ZNF729: variants seen among roughly 807,000 people sequenced by gnomAD.
ZNF729 encodes zinc finger protein 729.
In ZNF729, 15 loss-of-function variants were observed where a neutral mutation model predicts 12.2. The ratio of observed to expected loss-of-function variants is 1.23; its 90% CI spans 0.82 to 1.89. The LOEUF (loss-of-function observed/expected upper bound fraction) is 1.89. ZNF729 is among the 40% of genes most tolerant of loss of function. ZNF729 has a pLI of 0.00. For missense variants in ZNF729, 1,540 were observed against 1,456.7 expected (o/e 1.06, Z -0.93); for synonymous variants, 492 against 476.3 (o/e 1.03, Z -0.43).
At chr19:22,306,265 C>T (rs1968375951) in intron 3 of ZNF729, among the ~76,000 whole-genome samples, 1 of 151,456 alleles carries the variant, frequency 6.6e-6, no homozygotes, top group Admixed American at 6.6e-5. Context: ...ATAGAGAAAC[C>T]CCGTCTCTAC....
At chr19:22,291,479 G>C (rs571541594) in intron 1 of ZNF729, among the ~76,000 whole-genome samples, 4 of 152,182 alleles carry the variant, frequency 2.6e-5, no homozygotes, top group African/African-American at 9.6e-5. Flanking sequence ...TTTGATCCTA[G>C]CGTTTCTTGC....
intron 1 of ZNF729, among the ~76,000 whole-genome samples, chr19:22,294,275 A>G (rs545799055): frequency 1.2e-4 from 18 of 151,842 alleles, no homozygotes; most frequent in Non-Finnish European, 2.7e-4. Context: ...AGTTGGTTAT[A>G]GGCGTGTGGC....
intron 3 of ZNF729, among the ~76,000 whole-genome samples, chr19:22,305,200 GATC>G (rs1406017022): frequency 6.6e-6 from 1 of 152,064 alleles, no homozygotes; most frequent in African/African-American, 2.4e-5. Context: ...CTTCCACTGT[GATC>G]ATAAGCTTCC....
rs763599458 is a variant in ZNF729, at chr19:22,303,840, A to G, written c.113A>G (p.Tyr38Cys). ...CTGGACACGGTTCAGCAGAATTTAT[A>G]TAGGGATGTGATGTTAGAGAACTAC... ...QCLDTVQQNLYRDVMLENYRN... is the reference protein window; with the variant it reads ...QCLDTVQQNLCRDVMLENYRN... Residue 38 changes from tyrosine (Y) to cysteine (C), a missense_variant, in exon 2 of 4, where the codon TAT becomes TGT. By Grantham distance (194) the Tyr-to-Cys change is radical. Transcript: ENST00000601693. The G allele has an allele frequency of 8.3e-6, 13 of 1,574,794 alleles. No homozygotes were observed. In the South Asian group the frequency reaches 1.4e-4, roughly 17 times the overall value.
Position 22,316,933 on chromosome 19 carries a change from C to T in ZNF729, c.3516C>T (p.Ser1172=). 6.2e-7 allele frequency: 1 copy of T among 1,613,108 alleles called. No individual in the cohort carries two copies. Among genetic ancestry groups the T allele is most frequent in the Non-Finnish European group, 8.5e-7 (1 of 1,179,984 alleles). ...CEECGKAFNQ[S]SHLTRHKTIH... ...AATGTGGCAAAGCCTTTAACCAGTC[C>T]TCACACCTTACTAGACACAAAACAA... Residue 1172 remains serine, a synonymous_variant, in exon 4 of 4, where the codon TCC becomes TCT. Coordinates refer to ENST00000601693, the MANE Select transcript of ZNF729 (RefSeq NM_001242680.2).
intron 1 of ZNF729, among the ~76,000 whole-genome samples, chr19:22,300,079 C>G (rs1968285227): frequency 6.6e-6 from 1 of 152,212 alleles, no homozygotes; most frequent in Non-Finnish European, 1.5e-5. Context: ...AGATAGCACT[C>G]TATTCAACCA....
chr19:22,314,362 T>G lies in ZNF729; in HGVS notation c.945T>G (p.Thr315=). The G allele has an allele frequency of 6.3e-7, 1 of 1,587,180 alleles. No individual in the cohort carries two copies. The highest frequency in any genetic ancestry group is 8.6e-7 in the Non-Finnish European group (1 of 1,161,932). The change falls in exon 4 of 4, where the codon ACT becomes ACG. Residue 315 remains threonine (T), a synonymous_variant. Coordinates refer to ENST00000601693, the MANE Select transcript of ZNF729 (RefSeq NM_001242680.2). Reference sequence around the variant, plus strand: ...TTAATGCACATAAGGTAATTCATACTGCAGAGAAACCCTACAAATGTGAAG... The same window carrying G: ...TTAATGCACATAAGGTAATTCATACGGCAGAGAAACCCTACAAATGTGAAG... ...SNFNAHKVIH[T]AEKPYKCEDC... is the part of the protein sequence containing the mutation.
rs776886438 is a variant in ZNF729 at position 22,316,870 on chromosome 19, G to A, written c.3453G>A (p.Lys1151=). The A allele has an allele frequency of 6.2e-7, 1 of 1,611,686 alleles. No individual in the cohort carries two copies. Among genetic ancestry groups the A allele is most frequent in the South Asian group, 1.1e-5 (1 of 90,988 alleles). ...FSQSSILTKH[K]IIHSVEKPYK... ...AGTCCTCAATCCTTACTAAACATAA[G>A]ATAATTCATTCTGTAGAGAAACCCT... Residue 1151 remains lysine (K), a synonymous_variant, in exon 4 of 4, where the codon AAG becomes AAA. Transcript: ENST00000601693.
At chr19:22,305,661 C>T (rs1294940603) in intron 3 of ZNF729, among the ~76,000 whole-genome samples, 1 of 152,096 alleles carries the variant, frequency 6.6e-6, no homozygotes, top group Non-Finnish European at 1.5e-5. Flanking sequence ...CCAATTGTGG[C>T]TACTATTTGC....
intron 1 of ZNF729, among the ~76,000 whole-genome samples, chr19:22,292,235 C>T (rs1968165347): frequency 6.6e-6 from 1 of 152,044 alleles, no homozygotes; most frequent in South Asian, 2.1e-4. Context: ...CTGTTGTTCC[C>T]CTCTTTGTGT....
intron 1 of ZNF729, among the ~76,000 whole-genome samples, chr19:22,302,417 C>A (rs570202252): frequency 3.1e-5 from 2 of 63,896 alleles, no homozygotes; most frequent in African/African-American, 1.2e-4. Flanking sequence ...ACTTTATATT[C>A]TTCTGACTTC....
intron 3 of ZNF729, among the ~76,000 whole-genome samples, chr19:22,313,327 C>T (rs1968473993): frequency 6.6e-6 from 1 of 152,220 alleles, no homozygotes; most frequent in Non-Finnish European, 1.5e-5. Flanking sequence ...GCTGGGATTA[C>T]AGGCATGAAC....
At chr19:22,286,986 A>G (rs1968086986) in intron 1 of ZNF729, among the ~76,000 whole-genome samples, 1 of 152,222 alleles carries the variant, frequency 6.6e-6, no homozygotes, top group African/African-American at 2.4e-5. Flanking sequence ...TAAATAATTT[A>G]ATCAAAGTGA....
At chr19:22,301,769 AAGGCCACAGAG>A (rs1968308556) in intron 1 of ZNF729, among the ~76,000 whole-genome samples, 1 of 152,312 alleles carries the variant, frequency 6.6e-6, no homozygotes, top group Non-Finnish European at 1.5e-5. Context: ...GTGAGAGATC[AAGGCCACAGAG>A]TAACCAGAGC....
At chr19:22,313,277 C>G (rs1858094916) in intron 3 of ZNF729, among the ~76,000 whole-genome samples, 1 of 152,052 alleles carries the variant, frequency 6.6e-6, no homozygotes, top group African/African-American at 2.4e-5. Flanking sequence ...GTCTTGAACT[C>G]TTGATCTCAG....
At position 22,316,616 on chromosome 19, in the gene ZNF729, A is replaced by G. The variant is rs756666291; in HGVS notation, c.3199A>G (p.Lys1067Glu). The G allele has an allele frequency of 6.2e-7, 1 of 1,613,102 alleles. No individual in the cohort carries two copies. The highest frequency in any genetic ancestry group is 2.2e-5 in the East Asian group (1 of 44,824). ...GTGGTCCTCAAAACTTACTGAACATAAGGTAATTCATACTGGAGAGAAACC... is the reference window on the plus strand; with the variant it reads ...GTGGTCCTCAAAACTTACTGAACATGAGGTAATTCATACTGGAGAGAAACC... ...FKWSSKLTEH[K>E]VIHTGEKPCK... The change falls in exon 4 of 4, where the codon AAG becomes GAG. Residue 1067 changes from lysine (K) to glutamate (E), a missense_variant. Lys to Glu is a moderately conservative substitution (Grantham distance 56). Transcript: ENST00000601693.
rs138264785 is a variant in ZNF729, at chr19:22,312,440, T to TTGTGTGTGTGTGTGTGTG, written c.254-1211_254-1194dup. 2.7e-3 allele frequency among the ~76,000 whole-genome samples: 391 copies of TTGTGTGTGTGTGTGTGTG among 144,662 alleles called. 1 individual carries two copies. Among genetic ancestry groups the TTGTGTGTGTGTGTGTGTG allele is most frequent in the Admixed American group, 8.6e-3 (122 of 14,262 alleles). The allele number at this position is 144,662 out of a possible 152,430, so 94.9% of individuals were successfully genotyped here. A position where few individuals can be genotyped will look rare whatever the true frequency, so the allele number is the denominator to read the frequency against. ...TTCTTAGAATGTGTCTTGTCTGAAATTGTGTGTGTGTGTGTGTGTGTGTGT... is the reference window on the plus strand; with the variant it reads ...TTCTTAGAATGTGTCTTGTCTGAAATTGTGTGTGTGTGTGTGTGTGTGTGTGTGTGTGTGTGTGTGTGT... On this transcript the variant is annotated intron_variant, in intron 3 of 3. Transcript: ENST00000601693.
chr19:22,314,195 G>A lies in ZNF729; in HGVS notation c.778G>A (p.Gly260Arg), dbSNP rs763048640. 3 of 1,595,940 alleles carry A rather than the reference G, an allele frequency of 1.9e-6. No individual in the cohort carries two copies. The highest frequency in any genetic ancestry group is 1.7e-6 in the Non-Finnish European group (2 of 1,171,640). Residue 260 changes from glycine (G) to arginine (R), a missense_variant, in exon 4 of 4, where the codon GGA becomes AGA. By Grantham distance (125) the Gly-to-Arg change is moderately radical (BLOSUM62 -2). Coordinates refer to ENST00000601693, the MANE Select transcript of ZNF729 (RefSeq NM_001242680.2). ...CACTAAACATAAGAGAATTCATACT[G>A]GAGAGACACCTTTCAGATGTGAAGA... Reference protein sequence around the residue: ...TFTKHKRIHTGETPFRCEECG... With the variant: ...TFTKHKRIHTRETPFRCEECG...
chr19:22,300,555 T>C (rs1007124329), intron 1 of ZNF729, among the ~76,000 whole-genome samples: 1 of 152,196 alleles, frequency 6.6e-6, no homozygotes, highest in African/African-American at 2.4e-5. Context: ...CAATTCACAA[T>C]TGTGCTGCAA....
Sources: gnomAD v4.1 joint callset for allele counts (sites outside exome capture counted in the v4.1 genomes callset) on GRCh38, gnomAD v4.1.1 for gene constraint, MANE v1.5 for transcripts, NCBI Gene and HGNC (gene_info 2026-07-23, HGNC 2026-07-21) for gene names.